GARRE1: variants seen among roughly 807,000 people sequenced by gnomAD.
GARRE1 encodes granule associated Rac and RHOG effector 1, also known as granule associated Rac and RHOG effector protein 1.
In GARRE1, 49 loss-of-function variants were observed where a neutral mutation model predicts 103.2. The ratio of observed to expected loss-of-function variants is 0.47; its 90% CI spans 0.38 to 0.60. The LOEUF (loss-of-function observed/expected upper bound fraction) is 0.60. Ranked by LOEUF, GARRE1 falls within the 20% of genes least tolerant of loss-of-function variation. The pLI is 0.00. For missense variants in GARRE1, 1,199 were observed against 1,370.5 expected (o/e 0.87, Z 1.98); for synonymous variants, 505 against 532.8 (o/e 0.95, Z 0.72).
At chr19:34,333,365 T>G (rs1192974231) in intron 7 of GARRE1, among the ~76,000 whole-genome samples, 1 of 152,228 alleles carries the variant, frequency 6.6e-6, no homozygotes, top group Non-Finnish European at 1.5e-5. Flanking sequence ...GTGACACTTT[T>G]ACTTCTTTTA....
At chr19:34,323,637 C>T (rs1457450372) in intron 3 of GARRE1, among the ~76,000 whole-genome samples, 2 of 152,132 alleles carry the variant, frequency 1.3e-5, no homozygotes, top group Non-Finnish European at 2.9e-5. Context: ...TCCAGACCTG[C>T]ACCTTGTTGC....
In GARRE1 at chr19:34,341,558, C is replaced by A; in HGVS notation, c.1624C>A (p.Arg542=). ...LQKTFSKLTS[R]FTKKASCTSS... Reference sequence around the variant, plus strand: ...GAAGACATTCTCCAAACTGACATCCCGGTTCACCAAGAAAGCTTCATGTAC... The same window carrying A: ...GAAGACATTCTCCAAACTGACATCCAGGTTCACCAAGAAAGCTTCATGTAC... Residue 542 remains arginine (R), a synonymous_variant, in exon 10 of 14, where the codon CGG becomes AGG. Transcript: ENST00000299505. 1 of 1,614,112 alleles carries A rather than the reference C, an allele frequency of 6.2e-7. No homozygotes were observed. The highest frequency in any genetic ancestry group is 8.5e-7 in the Non-Finnish European group (1 of 1,180,030).
At chr19:34,333,052 T>G (rs895738859) in intron 7 of GARRE1, among the ~76,000 whole-genome samples, 6 of 152,174 alleles carry the variant, frequency 3.9e-5, no homozygotes, top group African/African-American at 1.4e-4. Flanking sequence ...CTTTTTTGTT[T>G]GTTTGTTTGT....
chr19:34,299,224 T>A (rs182854178), intron 1 of GARRE1, among the ~76,000 whole-genome samples: 3 of 152,310 alleles, frequency 2.0e-5, no homozygotes, highest in Admixed American at 1.3e-4. Context: ...AGAAGAATAT[T>A]TTTTTCGTAA....
chr19:34,266,733 A>T (rs1019899571), intron 1 of GARRE1, among the ~76,000 whole-genome samples: 1 of 152,156 alleles, frequency 6.6e-6, no homozygotes, highest in African/African-American at 2.4e-5. Context: ...GTTATAATTT[A>T]TTGATAGAAT....
In GARRE1 at chr19:34,342,058, C is replaced by G; in HGVS notation, c.2124C>G (p.His708Gln). The change falls in exon 10 of 14, where the codon CAC becomes CAG. Residue 708 changes from histidine (H) to glutamine (Q), a missense_variant. By Grantham distance (24) the His-to-Gln change is conservative. Coordinates refer to ENST00000299505, the MANE Select transcript of GARRE1 (RefSeq NM_014686.5). ...PPPRAPQAGAHTPLTPQPGLA... is the reference protein window; with the variant it reads ...PPPRAPQAGAQTPLTPQPGLA... ...CACGGGCACCCCAGGCTGGGGCACA[C>G]ACACCTCTGACACCCCAGCCGGGAC... The G allele has an allele frequency of 1.2e-6, 2 of 1,614,136 alleles. No homozygotes were observed. Among genetic ancestry groups the G allele is most frequent in the Non-Finnish European group, 1.7e-6 (2 of 1,180,034 alleles).
At chr19:34,262,210 C>T (rs2073722455) in intron 1 of GARRE1, among the ~76,000 whole-genome samples, 1 of 149,474 alleles carries the variant, frequency 6.7e-6, no homozygotes, top group South Asian at 2.1e-4. Context: ...GTCTTGAACT[C>T]CTTACCTTGT....
chr19:34,315,372 C>T (rs1264344755), intron 2 of GARRE1, among the ~76,000 whole-genome samples: 2 of 152,046 alleles, frequency 1.3e-5, no homozygotes, highest in Non-Finnish European at 2.9e-5. Context: ...TCCAGGAAAG[C>T]AGAGTTGACA....
intron 1 of GARRE1, among the ~76,000 whole-genome samples, chr19:34,268,445 A>G (rs1190719585): frequency 1.3e-5 from 2 of 152,196 alleles, no homozygotes; most frequent in South Asian, 2.1e-4. Flanking sequence ...TGTTCCTGTA[A>G]TAGAATTCCT....
At chr19:34,293,611 G>A (rs117684391) in intron 1 of GARRE1, among the ~76,000 whole-genome samples, 34 of 151,268 alleles carry the variant, frequency 2.2e-4, no homozygotes, top group Non-Finnish European at 4.3e-4. Flanking sequence ...TGCCCAGGCT[G>A]GTTGAACTTC....
At chr19:34,255,576 C>T (rs1415930716) in intron 1 of GARRE1, among the ~76,000 whole-genome samples, 1 of 151,824 alleles carries the variant, frequency 6.6e-6, no homozygotes, top group African/African-American at 2.4e-5. Flanking sequence ...TTTTTATGGA[C>T]TTTACAGTAT....
At chr19:34,321,706 G>A (rs1240538339) in intron 3 of GARRE1, among the ~76,000 whole-genome samples, 2 of 152,176 alleles carry the variant, frequency 1.3e-5, no homozygotes, top group Non-Finnish European at 2.9e-5. Flanking sequence ...TTGAACTCCT[G>A]ACCTTGTGAT....
intron 11 of GARRE1, 74 bp downstream of exon 11, chr19:34,348,116 C>T: frequency 8.7e-6 from 11 of 1,266,406 alleles, no homozygotes; most frequent in Non-Finnish European, 1.1e-5. Flanking sequence ...AGAAGAGAGG[C>T]TCCTTGCCTG....
rs774214567 is a variant in GARRE1 at position 34,342,335 on chromosome 19, G to A, written c.2401G>A (p.Val801Met). ...TCTGGTGAGCAGCTATATGGATAAT[G>A]TGATGTCAGAGGTTCTGGGACAGAA... ...LGLVSSYMDN[V>M]MSEVLGQKPQ... Residue 801 changes from valine to methionine, a missense_variant, in exon 10 of 14, where the codon GTG (valine) becomes ATG (methionine). By Grantham distance (21) the Val-to-Met change is conservative. Transcript: ENST00000299505. The A allele has an allele frequency of 4.3e-6, 7 of 1,614,076 alleles. No individual in the cohort carries two copies. The highest frequency in any genetic ancestry group is 1.3e-5 in the African/African-American group (1 of 74,932).
At chr19:34,296,244 C>T (rs955867403) in intron 1 of GARRE1, 10 of 631,510 alleles carry the variant, frequency 1.6e-5, no homozygotes, top group South Asian at 4.1e-5. Flanking sequence ...TCGCAGCAGT[C>T]CTTCTGTTCT....
chr19:34,339,787 T>G, intron 8 of GARRE1, 80 bp from the exon 9 acceptor site: 2 of 1,571,320 alleles, frequency 1.3e-6, no homozygotes, highest in Non-Finnish European at 1.7e-6. Context: ...ATAAAAGTTG[T>G]AGCCTTTTCT....
chr19:34,307,652 C>T (rs1320855509), intron 2 of GARRE1, among the ~76,000 whole-genome samples: 3 of 35,550 alleles, frequency 8.4e-5, no homozygotes, highest in Non-Finnish European at 1.7e-4. Flanking sequence ...TATATACATA[C>T]TTATATATAC....
chr19:34,297,644 G>C (rs1306858963), intron 1 of GARRE1, among the ~76,000 whole-genome samples: 7 of 152,204 alleles, frequency 4.6e-5, no homozygotes, highest in Admixed American at 4.6e-4. Flanking sequence ...GTCTCCACGG[G>C]AACAGCCTGC....
At position 34,333,694 on chromosome 19, in the gene GARRE1, T is replaced by TTTG; in HGVS notation, c.1264-10_1264-9insTTG. 2 of 1,398,172 alleles carry TTTG rather than the reference T, an allele frequency of 1.4e-6. No homozygotes were observed. Among genetic ancestry groups the TTTG allele is most frequent in the South Asian group, 1.3e-5 (1 of 79,962 alleles). 86.6% of individuals were successfully genotyped at this position (1,398,172 alleles called of 1,614,324 possible). On this transcript the variant is annotated splice_polypyrimidine_tract_variant and intron_variant, in intron 7 of 13. Coordinates refer to ENST00000299505, the MANE Select transcript of GARRE1 (RefSeq NM_014686.5). Reference sequence around the variant, plus strand: ...TGTTATTTGTTTTTTTTTTTTTTTTTCGATCTTAGGTGGTGGTTGACACAG... The same window carrying TTTG: ...TGTTATTTGTTTTTTTTTTTTTTTTTTTGCGATCTTAGGTGGTGGTTGACACAG...
Sources: allele counts gnomAD v4.1 joint callset (sites outside exome capture counted in the v4.1 genomes callset), GRCh38; gene constraint gnomAD v4.1.1; transcripts MANE v1.5; gene names NCBI Gene and HGNC (gene_info 2026-07-23, HGNC 2026-07-21).